Variants in MYBL2 observed in about 807,000 individuals in gnomAD.
MYBL2 encodes the protein MYB proto-oncogene like 2.
A neutral mutation model predicts 79.9 loss-of-function variants in MYBL2; 28 were observed. That is an observed-to-expected ratio of 0.35 (90% CI 0.26 to 0.48). The LOEUF (loss-of-function observed/expected upper bound fraction) is 0.48. Ranked by LOEUF, MYBL2 falls within the 20% of genes least tolerant of loss-of-function variation. The probability of loss-of-function intolerance (pLI) is 0.99; values close to 1 mark genes in which losing one functional copy is unlikely to be tolerated. For synonymous variants in MYBL2, 378 were observed against 361.2 expected, an observed-to-expected ratio of 1.05 and a Z score of -0.53; for missense variants, 735 against 893.9, an observed-to-expected ratio of 0.82 and a Z score of 2.27.
At chr20:43,705,498 C>A in intron 9 of MYBL2, 140 bp downstream of exon 9, 1 of 1,000,756 alleles carries the variant, frequency 1.0e-6, no homozygotes, top group Non-Finnish European at 1.3e-6. Flanking sequence ...AAGCCCTCTC[C>A]TTTCTGGCCA....
At position 43,716,285 on chromosome 20, in the gene MYBL2, C is replaced by G; in HGVS notation, c.*198C>G. On this transcript the variant is annotated 3_prime_UTR_variant, in exon 14 of 14. Transcript: ENST00000217026. ...GCCCAGCTGTGGGCGGCTCCTGGTG[C>G]TAACAACAAAGTTCCACTTCCAGGT... 2 of 759,910 alleles carry G rather than the reference C, an allele frequency of 2.6e-6. No individual in the cohort carries two copies. The highest frequency in any genetic ancestry group is 6.1e-5 in the East Asian group (2 of 32,890). 47.1% of individuals were successfully genotyped at this position (759,910 alleles called of 1,614,324 possible).
At chr20:43,687,637 T>C (rs1478639711) in intron 5 of MYBL2, among the ~76,000 whole-genome samples, 1 of 152,192 alleles carries the variant, frequency 6.6e-6, no homozygotes, top group Non-Finnish European at 1.5e-5. Flanking sequence ...ATATTGATCC[T>C]CTGCTATGGG....
intron 8 of MYBL2, 54 bp downstream of exon 8, chr20:43,702,957 C>T: frequency 6.5e-7 from 1 of 1,530,232 alleles, no homozygotes; most frequent in Non-Finnish European, 8.9e-7. Context: ...ACCTAGTGTT[C>T]AGTGCTGGGG....
chr20:43,705,396 C>G, intron 9 of MYBL2, 38 bp downstream of exon 9: 1 of 1,561,882 alleles, frequency 6.4e-7, no homozygotes, highest in East Asian at 2.3e-5. Context: ...GCCGTCCTCT[C>G]CCTCAGCAAC....
chr20:43,689,447 G>T (rs1271657615), intron 5 of MYBL2, among the ~76,000 whole-genome samples: 1 of 152,120 alleles, frequency 6.6e-6, no homozygotes, highest in East Asian at 1.9e-4. Flanking sequence ...TGCTTACTCG[G>T]TGTTAGCTGC....
At chr20:43,714,567 T>G (rs569032916) in intron 12 of MYBL2, among the ~76,000 whole-genome samples, 1 of 152,042 alleles carries the variant, frequency 6.6e-6, no homozygotes, top group East Asian at 1.9e-4. Flanking sequence ...CACGTTTCTT[T>G]ACTTGATTAC....
In MYBL2 at chr20:43,711,571, C is replaced by T; in HGVS notation, c.1689C>T (p.Ile563=). The change falls in exon 11 of 14, where the codon ATC becomes ATT. Residue 563 remains isoleucine, a synonymous_variant. Transcript: ENST00000217026. The part of the protein sequence containing the change: ...AGIELIIEDD[I]RPEKQKRKPG... ...TCGAACTCATCATCGAGGACGACAT[C>T]AGGCCCGAGAAGCAGAAGAGGAAGC... The T allele has an allele frequency of 1.2e-6, 2 of 1,613,508 alleles. No homozygotes were observed. The highest frequency in any genetic ancestry group is 1.7e-6 in the Non-Finnish European group (2 of 1,179,768).
At chr20:43,697,652 C>T (rs930984371) in intron 6 of MYBL2, among the ~76,000 whole-genome samples, 1 of 151,916 alleles carries the variant, frequency 6.6e-6, no homozygotes, top group African/African-American at 2.4e-5. Context: ...GCCTGTAATC[C>T]CAGCACTTTG....
chr20:43,671,981 G>A (rs1232598707), intron 1 of MYBL2, among the ~76,000 whole-genome samples: 1 of 150,874 alleles, frequency 6.6e-6, no homozygotes, highest in Non-Finnish European at 1.5e-5. Flanking sequence ...AGGCCAAGGC[G>A]GGTGGATCAC....
chr20:43,688,102 T>C, intron 5 of MYBL2, among the ~76,000 whole-genome samples: 1 of 152,118 alleles, frequency 6.6e-6, no homozygotes, highest in Non-Finnish European at 1.5e-5. Context: ...CTTCATTTTC[T>C]AGGAGACTTC....
rs889635869 is a variant in MYBL2 at position 43,713,254 on chromosome 20, G to T, written c.1824+148G>T. ...GGGTGGGTCCGGGCACCCACTCATG[G>T]CTTCAGTCAGCAGCTCTGCTTGTCT... On this transcript the variant is annotated intron_variant, in intron 12 of 13. Transcript: ENST00000217026. 6 of 623,592 alleles carry T rather than the reference G, an allele frequency of 9.6e-6. No individual in the cohort carries two copies. The African/African-American group carries it at 1.1e-4, about 11-fold the overall frequency. 38.6% of individuals were successfully genotyped at this position (623,592 alleles called of 1,614,324 possible). A position where few individuals can be genotyped will look rare whatever the true frequency, so the allele number is the denominator to read the frequency against.
rs200089008 is a variant in MYBL2, at chr20:43,673,840, G to C, written c.55G>C (p.Asp19His). 5 of 1,561,072 alleles carry C rather than the reference G, an allele frequency of 3.2e-6. No homozygotes were observed. Among genetic ancestry groups the C allele is most frequent in the Non-Finnish European group, 4.3e-6 (5 of 1,151,474 alleles). The change falls in exon 2 of 14, where the codon GAT becomes CAT. Residue 19 changes from aspartate to histidine, a missense_variant. By Grantham distance (81) the Asp-to-His change is moderately conservative (BLOSUM62 -1). This residue lies in a region of MYBL2 where 79 missense variants were observed against 86.7 expected (regional missense o/e 0.91). Coordinates refer to ENST00000217026, the MANE Select transcript of MYBL2 (RefSeq NM_002466.4). ...DLDELHYQDT[D>H]SDVPEQRDSK... The stretch of plus-strand genomic sequence containing the variant: ...GGATGAGCTGCACTACCAGGACACA[G>C]ATTCAGATGTGCCGGAGCAGAGGGA...
chr20:43,685,671 C>T (rs1987255862), intron 4 of MYBL2, among the ~76,000 whole-genome samples: 1 of 152,044 alleles, frequency 6.6e-6, no homozygotes, highest in African/African-American at 2.4e-5. Context: ...GGGAGAATCG[C>T]TTGAACCCAG....
intron 4 of MYBL2, 84 bp downstream of exon 4, chr20:43,682,970 G>T (rs952010659): frequency 1.1e-4 from 143 of 1,325,836 alleles, no homozygotes; most frequent in Non-Finnish European, 1.5e-4. Context: ...TTGTGTTGGG[G>T]TTGGGGGTGT....
chr20:43,678,878 A>C (rs1372125807), intron 2 of MYBL2, among the ~76,000 whole-genome samples: 2 of 149,764 alleles, frequency 1.3e-5, no homozygotes, highest in East Asian at 1.9e-4. Context: ...AAAAAAAGAA[A>C]AAAACATATA....
intron 4 of MYBL2, among the ~76,000 whole-genome samples, chr20:43,685,338 G>C (rs910222502): frequency 6.6e-6 from 1 of 151,156 alleles, no homozygotes. Context: ...ATGCTACCAC[G>C]CCTGGCTGAT....
intron 13 of MYBL2, 111 bp from the exon 14 acceptor site, chr20:43,715,848 G>T: frequency 1.4e-6 from 2 of 1,390,310 alleles, no homozygotes; most frequent in Non-Finnish European, 1.9e-6. Context: ...GAAGGCTCTG[G>T]CTTCTAGGGG....
At chr20:43,667,324 T>G (rs1600537408) in intron 1 of MYBL2, 21 bp downstream of exon 1, 6 of 1,228,698 alleles carry the variant, frequency 4.9e-6, no homozygotes, top group African/African-American at 4.7e-5. Context: ...CCGGGAGGGC[T>G]TGGGCCCCTC....
At chr20:43,709,523 C>A (rs1987859713) in intron 9 of MYBL2, among the ~76,000 whole-genome samples, 1 of 152,190 alleles carries the variant, frequency 6.6e-6, no homozygotes, top group African/African-American at 2.4e-5. Flanking sequence ...CTTGGGAGAC[C>A]TGGGAAGATG....
Sources: allele counts gnomAD v4.1 joint callset (sites outside exome capture counted in the v4.1 genomes callset), GRCh38; gene constraint gnomAD v4.1.1; regional missense constraint gnomAD v4.1.1; transcripts MANE v1.5; gene names NCBI Gene and HGNC (gene_info 2026-07-23, HGNC 2026-07-21).